The following RAB11FIP2 variants were observed in gnomAD, a reference collection of about 807,000 sequenced individuals.
RAB11FIP2 encodes the protein rab11 family-interacting protein 2.
RAB11FIP2 carries 16 observed loss-of-function variants against 40.9 expected under a neutral mutation model. The observed-to-expected ratio is 0.39, with a 90% CI of 0.26 to 0.59. The LOEUF (loss-of-function observed/expected upper bound fraction) is 0.59, where lower values mean the gene tolerates loss of function less well. RAB11FIP2 is among the 20% of genes least tolerant of loss of function. The pLI is 0.53. For missense variants in RAB11FIP2, 532 were observed against 606.2 expected, an observed-to-expected ratio of 0.88 and a Z score of 1.28; for synonymous variants, 228 against 213.7, an observed-to-expected ratio of 1.07 and a Z score of -0.58.
intron 3 of RAB11FIP2, among the ~76,000 whole-genome samples, chr10:118,036,131 C>T (rs1378776298): frequency 1.3e-5 from 2 of 151,970 alleles, no homozygotes; most frequent in Non-Finnish European, 2.9e-5. Context: ...GAAAATTCTC[C>T]AGTTTTAATA....
chr10:118,040,322 T>C lies in RAB11FIP2; in HGVS notation c.597A>G (p.Glu199=), dbSNP rs1564695218. The C allele has an allele frequency of 3.7e-6, 6 of 1,613,914 alleles. No homozygotes were observed. In the East Asian group the frequency reaches 6.7e-5, roughly 18 times the overall value. ...PSTHMPDANS[E]FSSGEIQMKS... is the part of the protein sequence containing the mutation. ...TCATCTGTATTTCACCACTTGAAAA[T>C]TCACTATTGGCATCGGGCATGTGAG... Residue 199 remains glutamate, a synonymous_variant, in exon 2 of 5, where the codon GAA becomes GAG. Coordinates refer to ENST00000355624, the MANE Select transcript of RAB11FIP2 (RefSeq NM_014904.3).
At chr10:118,033,849 C>T in intron 3 of RAB11FIP2, 1 of 635,834 alleles carries the variant, frequency 1.6e-6, no homozygotes, top group South Asian at 1.7e-5. Flanking sequence ...ATGCTAAGTG[C>T]TCTAATAAAT....
At chr10:118,014,435 G>A (rs1303567038) in intron 4 of RAB11FIP2, among the ~76,000 whole-genome samples, 1 of 152,130 alleles carries the variant, frequency 6.6e-6, no homozygotes, top group Non-Finnish European at 1.5e-5. Flanking sequence ...CAGATGCAAT[G>A]GAACTCTGAA....
In RAB11FIP2 at chr10:118,019,591, A is replaced by C. The variant is rs1419716775; in HGVS notation, c.1266-4481T>G. On this transcript the variant is annotated intron_variant, in intron 3 of 4. Transcript: ENST00000355624. ...GTAATCCCAGCACTTTGGGAGGCCG[A>C]GACAGGCAGATCACGAGGTCAGGAG... Among the ~76,000 whole-genome samples the C allele has an allele frequency of 1.3e-4, 20 of 152,014 alleles. 1 individual carries two copies. The highest frequency in any genetic ancestry group is 1.3e-3 in the Admixed American group (20 of 15,252).
At chr10:118,034,239 G>A (rs1472420380) in intron 3 of RAB11FIP2, among the ~76,000 whole-genome samples, 2 of 152,180 alleles carry the variant, frequency 1.3e-5, no homozygotes, top group East Asian at 1.9e-4. Context: ...TGGAGGAAGA[G>A]GCAAAACGGA....
chr10:118,026,425 C>G (rs906886784), intron 3 of RAB11FIP2, among the ~76,000 whole-genome samples: 3 of 152,094 alleles, frequency 2.0e-5, no homozygotes, highest in Non-Finnish European at 4.4e-5. Flanking sequence ...GAATTTTATA[C>G]TCTTGATGAA....
intron 4 of RAB11FIP2, among the ~76,000 whole-genome samples, chr10:118,013,578 C>T (rs1009089237): frequency 6.6e-6 from 1 of 152,024 alleles, no homozygotes; most frequent in African/African-American, 2.4e-5. Flanking sequence ...AAAAATTGTT[C>T]GAATGCTTTT....
rs1190955829 is a variant in RAB11FIP2, at chr10:118,046,481, A to G, written c.-318T>C. The G allele has an allele frequency of 8.3e-5, 21 of 253,596 alleles. No individual in the cohort carries two copies. The highest frequency in any genetic ancestry group is 1.4e-4 in the Non-Finnish European group (19 of 133,410). The allele number at this position is 253,596 out of a possible 1,614,324, so 15.7% of individuals were successfully genotyped here. A position where few individuals can be genotyped will look rare whatever the true frequency, so the allele number is the denominator to read the frequency against. Reference sequence around the variant, plus strand: ...TGCGGGGCACGTGAGGCCTGGCCACACGGACCCGGGCGGAGGGCTGCGGGG... The same window carrying G: ...TGCGGGGCACGTGAGGCCTGGCCACGCGGACCCGGGCGGAGGGCTGCGGGG... On this transcript the variant is annotated 5_prime_UTR_variant, in exon 1 of 5. Transcript: ENST00000355624.
intron 3 of RAB11FIP2, among the ~76,000 whole-genome samples, chr10:118,032,808 C>T (rs756266500): frequency 3.9e-5 from 6 of 152,070 alleles, no homozygotes; most frequent in Non-Finnish European, 5.9e-5. Flanking sequence ...TGTGAATCAT[C>T]CCTTTGTTCA....
At chr10:118,016,501 G>A (rs886760458) in intron 3 of RAB11FIP2, among the ~76,000 whole-genome samples, 2 of 152,114 alleles carry the variant, frequency 1.3e-5, no homozygotes, top group African/African-American at 4.8e-5. Context: ...CTAGAGTGCC[G>A]TGGTAGCAGC....
At position 118,015,066 on chromosome 10, in the gene RAB11FIP2, G is replaced by A. The variant is rs141500760; in HGVS notation, c.1310C>T (p.Pro437Leu). ...CCTCTAACCCCTTCAGCAACTTACC[G>A]GGATTTTCCTGAGGTCTTCATTGCT... Reference protein sequence around the residue: ...PTSNEDLRKIPDSNPFDATAG... With the variant: ...PTSNEDLRKILDSNPFDATAG... The change falls in exon 4 of 5, where the codon CCG (proline) becomes CTG (leucine). Residue 437 changes from proline to leucine, a missense_variant and splice_region_variant. By Grantham distance (98) the Pro-to-Leu change is moderately conservative. Coordinates refer to ENST00000355624, the MANE Select transcript of RAB11FIP2 (RefSeq NM_014904.3). 15,035 of 1,606,012 alleles carry A rather than the reference G, an allele frequency of 9.4e-3. 105 individuals are homozygous for A. The highest frequency in any genetic ancestry group is 0.011 in the Non-Finnish European group (13,372 of 1,175,306).
chr10:118,031,260 C>T (rs530226059), intron 3 of RAB11FIP2, among the ~76,000 whole-genome samples: 5 of 152,162 alleles, frequency 3.3e-5, no homozygotes, highest in African/African-American at 9.6e-5. Context: ...AAAAAAAGTC[C>T]ATTGGGACAT....
intron 4 of RAB11FIP2, among the ~76,000 whole-genome samples, chr10:118,010,079 CTAATAT>C (rs1445269218): frequency 6.6e-6 from 1 of 152,016 alleles, no homozygotes; most frequent in East Asian, 1.9e-4. Context: ...ACAAAGCATT[CTAATAT>C]TAATGTTATA....
intron 3 of RAB11FIP2, among the ~76,000 whole-genome samples, chr10:118,023,228 T>C (rs939778259): frequency 6.6e-6 from 1 of 152,170 alleles, no homozygotes; most frequent in Non-Finnish European, 1.5e-5. Context: ...TGTTGAAGTT[T>C]TTGTTTTTTA....
chr10:118,037,098 T>C (rs796149778), intron 3 of RAB11FIP2, among the ~76,000 whole-genome samples: 15 of 152,220 alleles, frequency 9.9e-5, no homozygotes, highest in African/African-American at 3.6e-4. Context: ...AACAACCTTC[T>C]GTAAAAAAAA....
At chr10:118,019,616 G>T (rs1386192911) in intron 3 of RAB11FIP2, among the ~76,000 whole-genome samples, 1 of 151,960 alleles carries the variant, frequency 6.6e-6, no homozygotes, top group Non-Finnish European at 1.5e-5. Flanking sequence ...GAGGTCAGGA[G>T]ATCGAGACCA....
intron 4 of RAB11FIP2, among the ~76,000 whole-genome samples, chr10:118,012,439 G>C (rs1846169302): frequency 6.6e-6 from 1 of 151,930 alleles, no homozygotes; most frequent in African/African-American, 2.4e-5. Flanking sequence ...ACAGTTTCAT[G>C]CTGAGTTCCA....
chr10:118,009,120 G>T lies in RAB11FIP2; in HGVS notation c.1417C>A (p.His473Asn). 2 of 1,613,572 alleles carry T rather than the reference G, an allele frequency of 1.2e-6. No homozygotes were observed. Among genetic ancestry groups the T allele is most frequent in the Non-Finnish European group, 1.7e-6 (2 of 1,179,564 alleles). ...HKELLRRKDT[H>N]IRELEDYIDN... is the part of the protein sequence containing the mutation. ...ATGTAGTCCTCGAGTTCCCGGATGT[G>T]GGTGTCTTTCCTCCTAAGGAGTTCT... The change falls in exon 5 of 5, where the codon CAC becomes AAC. Residue 473 changes from histidine to asparagine, a missense_variant. Transcript: ENST00000355624.
chr10:118,011,877 CTTTA>C lies in RAB11FIP2; in HGVS notation c.1312-2656_1312-2653del, dbSNP rs575134500. Among the ~76,000 whole-genome samples the C allele has an allele frequency of 2.7e-3, 412 of 152,030 alleles. 4 individuals carry two copies. Among genetic ancestry groups the C allele is most frequent in the African/African-American group, 7.0e-3 (291 of 41,536 alleles). On this transcript the variant is annotated intron_variant, in intron 4 of 4. Transcript: ENST00000355624. ...ATTAGTTGACTGCTTTATGCTTTTT[CTTTA>C]TTTAACATAATAAAAGCATCTATTC...
Sources: allele counts gnomAD v4.1 joint callset (sites outside exome capture counted in the v4.1 genomes callset), GRCh38; gene constraint gnomAD v4.1.1; transcripts MANE v1.5; gene names NCBI Gene and HGNC (gene_info 2026-07-23, HGNC 2026-07-21).